The following PRKN variants were observed in gnomAD, a reference collection of about 807,000 sequenced individuals.
PRKN encodes E3 ubiquitin-protein ligase parkin.
Under a neutral mutation model 59.5 loss-of-function variants are expected in PRKN, and 56 were observed. The observed-to-expected ratio is 0.94, with a 90% CI of 0.76 to 1.18. PRKN has a LOEUF of 1.18. PRKN is among the 50% of genes most tolerant of loss of function. PRKN has a pLI of 0.00. For missense variants in PRKN, 657 were observed against 596.4 expected (o/e 1.10, Z -1.06); for synonymous variants, 250 against 222.1 (o/e 1.13, Z -1.12).
chr6:162,507,452 T>C (rs1793659441), intron 1 of PRKN, among the ~76,000 whole-genome samples: 1 of 152,158 alleles, frequency 6.6e-6, no homozygotes, highest in Admixed American at 6.5e-5. Context: ...TATACGCATA[T>C]TCCTTAAGGT....
intron 5 of PRKN, among the ~76,000 whole-genome samples, chr6:162,035,912 T>G (rs1404913341): frequency 6.6e-6 from 1 of 152,224 alleles, no homozygotes; most frequent in Non-Finnish European, 1.5e-5. Flanking sequence ...AAAATCTGTA[T>G]GAATCAAATA....
At chr6:161,755,958 G>C (rs2128196376) in intron 7 of PRKN, among the ~76,000 whole-genome samples, 1 of 152,244 alleles carries the variant, frequency 6.6e-6, no homozygotes, top group African/African-American at 2.4e-5. Context: ...ATATTAAAAT[G>C]TGAGCCTTGA....
chr6:162,612,554 G>A (rs576200244), intron 1 of PRKN, among the ~76,000 whole-genome samples: 5 of 140,986 alleles, frequency 3.5e-5, no homozygotes, highest in Non-Finnish European at 7.5e-5. Flanking sequence ...CCGAGATCGC[G>A]CCATTGCACT....
At chr6:161,358,540 G>A (rs1784851304) in intron 11 of PRKN, among the ~76,000 whole-genome samples, 3 of 152,174 alleles carry the variant, frequency 2.0e-5, no homozygotes, top group East Asian at 2.0e-4. Context: ...TCTTGAACTC[G>A]GGAGGTGGAG....
At chr6:161,524,604 T>G (rs1207090758) in intron 9 of PRKN, among the ~76,000 whole-genome samples, 1 of 152,136 alleles carries the variant, frequency 6.6e-6, no homozygotes, top group Non-Finnish European at 1.5e-5. Flanking sequence ...AAACCAAAAA[T>G]AGTTTAAATT....
rs1181423616 is a variant in PRKN at position 161,562,654 on chromosome 6, A to C, written c.933+6701T>G. Among the ~76,000 whole-genome samples the C allele has an allele frequency of 3.9e-5, 6 of 152,184 alleles. No homozygotes were observed. Among genetic ancestry groups the C allele is most frequent in the Non-Finnish European group, 8.8e-5 (6 of 68,038 alleles). Reference sequence around the variant, plus strand: ...AAATGTGTTCAGAATTGAAGCTCAGATCCCATGCCTCTGATCTCACCTGCC... The same window carrying C: ...AAATGTGTTCAGAATTGAAGCTCAGCTCCCATGCCTCTGATCTCACCTGCC... On this transcript the variant is annotated intron_variant, in intron 8 of 11. Transcript: ENST00000366898. The surrounding 1 kb of genome is among the most constrained non-coding windows in gnomAD (Gnocchi z 4.3).
chr6:162,132,728 C>G (rs911741658), intron 4 of PRKN, among the ~76,000 whole-genome samples: 2 of 152,010 alleles, frequency 1.3e-5, no homozygotes, highest in Admixed American at 6.6e-5. Context: ...GCAACAGGGC[C>G]AGGACTCCAG....
At chr6:161,896,951 T>C (rs954457273) in intron 6 of PRKN, among the ~76,000 whole-genome samples, 10 of 152,206 alleles carry the variant, frequency 6.6e-5, no homozygotes, top group Non-Finnish European at 1.0e-4. Flanking sequence ...TACAGCACAT[T>C]GTGGTGTAAT....
chr6:162,528,183 G>C (rs988234166), intron 1 of PRKN, among the ~76,000 whole-genome samples: 4 of 151,898 alleles, frequency 2.6e-5, no homozygotes, highest in African/African-American at 7.3e-5. Context: ...TTAGCCAGGC[G>C]TGGTGGTGGG....
At chr6:161,394,685 C>T (rs766179926) in intron 9 of PRKN, among the ~76,000 whole-genome samples, 24 of 152,172 alleles carry the variant, frequency 1.6e-4, no homozygotes, top group Non-Finnish European at 2.8e-4. Flanking sequence ...TACCACCTGT[C>T]TCAGAACTAG....
chr6:161,923,465 A>T (rs1778854859), intron 6 of PRKN, among the ~76,000 whole-genome samples: 1 of 152,158 alleles, frequency 6.6e-6, no homozygotes, highest in South Asian at 2.1e-4. Flanking sequence ...ATAAATAAAT[A>T]AAATAAAGTA....
At chr6:162,381,478 T>C (rs1786479510) in intron 2 of PRKN, among the ~76,000 whole-genome samples, 1 of 152,198 alleles carries the variant, frequency 6.6e-6, no homozygotes, top group African/African-American at 2.4e-5. Context: ...AAGGTGAATT[T>C]GTGTGTAACT....
At chr6:162,099,646 AT>A (rs1367811558) in intron 4 of PRKN, among the ~76,000 whole-genome samples, 1 of 152,222 alleles carries the variant, frequency 6.6e-6, no homozygotes, top group Non-Finnish European at 1.5e-5. Flanking sequence ...ACAAATAACT[AT>A]TTTTAAATCA....
At chr6:161,666,707 T>A (rs1231304108) in intron 7 of PRKN, among the ~76,000 whole-genome samples, 2 of 152,030 alleles carry the variant, frequency 1.3e-5, no homozygotes, top group Non-Finnish European at 2.9e-5. Context: ...AAGGAAAAAA[T>A]AAAAACCTCT....
At chr6:161,676,672 G>C (rs2128170752) in intron 7 of PRKN, among the ~76,000 whole-genome samples, 1 of 152,200 alleles carries the variant, frequency 6.6e-6, no homozygotes, top group South Asian at 2.1e-4. Context: ...AATATTATCT[G>C]GCTCTCTGCA....
intron 6 of PRKN, among the ~76,000 whole-genome samples, chr6:161,865,766 G>T (rs1794087099): frequency 6.6e-6 from 1 of 152,140 alleles, no homozygotes; most frequent in Non-Finnish European, 1.5e-5. Flanking sequence ...GATCTATCCA[G>T]ACCAGAGTTT....
chr6:162,662,659 G>A (rs747373039), intron 1 of PRKN, among the ~76,000 whole-genome samples: 12 of 152,058 alleles, frequency 7.9e-5, no homozygotes, highest in Non-Finnish European at 1.2e-4. Context: ...AATTTTCCCA[G>A]CACCATTTAT....
intron 3 of PRKN, among the ~76,000 whole-genome samples, chr6:162,240,463 T>G (rs2128091179): frequency 6.6e-6 from 1 of 152,316 alleles, no homozygotes; most frequent in South Asian, 2.1e-4. Context: ...GAAAAATTGC[T>G]ATGTGTCTCA....
chr6:161,814,801 C>T (rs752203196), intron 6 of PRKN, among the ~76,000 whole-genome samples: 24 of 152,092 alleles, frequency 1.6e-4, no homozygotes, highest in Admixed American at 3.3e-4. Context: ...CGCGCCCAGC[C>T]GGGAACTGCC....
Sources: gnomAD v4.1 joint callset for allele counts (sites outside exome capture counted in the v4.1 genomes callset) on GRCh38, gnomAD v4.1.1 for gene constraint, Gnocchi (gnomAD v3.1) non-coding constraint, MANE v1.5 for transcripts, NCBI Gene and HGNC (gene_info 2026-07-23, HGNC 2026-07-21) for gene names.